AGBL1: variants seen among roughly 807,000 people sequenced by gnomAD.
AGBL1 encodes AGBL carboxypeptidase 1, also known as cytosolic carboxypeptidase 4.
AGBL1 carries 130 observed loss-of-function variants against 118.9 expected under a neutral mutation model. The observed-to-expected ratio is 1.09, with a 90% CI of 0.95 to 1.26. The LOEUF (loss-of-function observed/expected upper bound fraction) is 1.26, where lower values mean the gene tolerates loss of function less well. AGBL1 is among the 50% of genes most tolerant of loss of function. The pLI is 0.00. For synonymous variants in AGBL1, 555 were observed against 478.9 expected (o/e 1.16, Z -2.08); for missense variants, 1,584 against 1,298.1 (o/e 1.22, Z -3.38).
chr15:86,155,259 G>T (rs1006380038), intron 4 of AGBL1, among the ~76,000 whole-genome samples: 5 of 152,238 alleles, frequency 3.3e-5, no homozygotes, highest in Admixed American at 2.6e-4. Flanking sequence ...CTTGAGCCCA[G>T]GCATTTGAGA....
At chr15:86,476,321 G>C (rs1047605059) in intron 18 of AGBL1, among the ~76,000 whole-genome samples, 2 of 152,178 alleles carry the variant, frequency 1.3e-5, no homozygotes, top group Non-Finnish European at 2.9e-5. Context: ...TCAGTGTGCT[G>C]TATTCAGGAG....
At chr15:86,968,289 C>A (rs751994615) in intron 23 of AGBL1, among the ~76,000 whole-genome samples, 9 of 151,710 alleles carry the variant, frequency 5.9e-5, no homozygotes, top group Non-Finnish European at 1.2e-4. Flanking sequence ...CATATTTGAG[C>A]CTCAGATTTG....
intron 17 of AGBL1, among the ~76,000 whole-genome samples, chr15:86,388,431 A>T (rs2081229178): frequency 6.6e-6 from 1 of 152,158 alleles, no homozygotes; most frequent in Admixed American, 6.5e-5. Context: ...AAAAAGTTTG[A>T]TTTTCATCTA....
intron 22 of AGBL1, among the ~76,000 whole-genome samples, chr15:86,715,590 T>C (rs2086625477): frequency 6.7e-6 from 1 of 149,562 alleles, no homozygotes; most frequent in South Asian, 2.2e-4. Flanking sequence ...TGTATTAAGC[T>C]TATTCTCTGA....
At position 86,782,668 on chromosome 15, in the gene AGBL1, G is replaced by T. The variant is rs917578933; in HGVS notation, c.3158+108232G>T. Among the ~76,000 whole-genome samples the T allele has an allele frequency of 4.6e-5, 7 of 152,146 alleles. No homozygotes were observed. In the East Asian group the frequency reaches 1.3e-3, roughly 29 times the overall value. On this transcript the variant is annotated intron_variant, in intron 22 of 22. Coordinates refer to ENST00000614907, the MANE Select transcript of AGBL1 (RefSeq NM_001386094.1). The stretch of plus-strand genomic sequence containing the variant: ...TGATATCAGTCAACTTAAAGTTGGG[G>T]CATATCAATCAAATTCAGGATCGAT...
intron 21 of AGBL1, among the ~76,000 whole-genome samples, chr15:86,583,913 G>T (rs192968302): frequency 6.6e-6 from 1 of 152,130 alleles, no homozygotes; most frequent in African/African-American, 2.4e-5. Flanking sequence ...TTTCATTATG[G>T]TTTTGATTTG....
At chr15:86,943,907 C>T (rs1383696608) in intron 23 of AGBL1, among the ~76,000 whole-genome samples, 1 of 152,160 alleles carries the variant, frequency 6.6e-6, no homozygotes, top group Non-Finnish European at 1.5e-5. Flanking sequence ...CCAGGAGCAG[C>T]CAAATGGCCC....
intron 22 of AGBL1, among the ~76,000 whole-genome samples, chr15:86,799,492 G>A (rs937763976): frequency 6.6e-6 from 1 of 152,082 alleles, no homozygotes; most frequent in Admixed American, 6.6e-5. Context: ...AATAATTAAT[G>A]CACGGCTATA....
At chr15:86,819,315 C>T (rs2078907596) in intron 22 of AGBL1, among the ~76,000 whole-genome samples, 1 of 152,038 alleles carries the variant, frequency 6.6e-6, no homozygotes, top group African/African-American at 2.4e-5. Flanking sequence ...GAAAAAGGGA[C>T]AGTGGTTCTA....
intron 22 of AGBL1, among the ~76,000 whole-genome samples, chr15:86,776,748 ATATGTGTGTGTG>A (rs1567168701): frequency 2.8e-5 from 3 of 106,540 alleles, no homozygotes; most frequent in East Asian, 8.6e-4. Flanking sequence ...TTATATATAT[ATATGTGTGTGTG>A]TGTGTGTGTG....
intron 22 of AGBL1, among the ~76,000 whole-genome samples, chr15:86,680,170 A>G (rs1234768497): frequency 6.6e-6 from 1 of 152,172 alleles, no homozygotes; most frequent in Non-Finnish European, 1.5e-5. Context: ...TTGTCTTATA[A>G]TCATATTCAG....
At chr15:86,561,248 A>G (rs2083815208) in intron 21 of AGBL1, among the ~76,000 whole-genome samples, 1 of 152,156 alleles carries the variant, frequency 6.6e-6, no homozygotes, top group Non-Finnish European at 1.5e-5. Flanking sequence ...TAGGTCCTGA[A>G]TGGTATCACC....
At chr15:86,956,257 ATAGAT>A (rs980933750) in intron 23 of AGBL1, among the ~76,000 whole-genome samples, 24 of 150,190 alleles carry the variant, frequency 1.6e-4, no homozygotes, top group African/African-American at 5.7e-4. Context: ...AGATAGATAG[ATAGAT>A]TAGATAGATG....
chr15:86,586,772 T>C (rs1297768880), intron 21 of AGBL1, among the ~76,000 whole-genome samples: 1 of 151,928 alleles, frequency 6.6e-6, no homozygotes, highest in East Asian at 1.9e-4. Flanking sequence ...CATAGGAAGG[T>C]TTAGGAGTTA....
chr15:86,314,020 C>T lies in AGBL1; in HGVS notation c.2374+18612C>T, dbSNP rs972327551. The stretch of plus-strand genomic sequence containing the variant: ...AGATGGGTGATATCAGAATCATAAA[C>T]GCCTAGATCCTTACTGCCACAGGAT... On this transcript the variant is annotated intron_variant, in intron 17 of 22. Coordinates refer to ENST00000614907, the MANE Select transcript of AGBL1 (RefSeq NM_001386094.1). Among the ~76,000 whole-genome samples the T allele has an allele frequency of 1.1e-4, 16 of 152,180 alleles. No homozygotes were observed. The East Asian group carries it at 1.2e-3, about 11-fold the overall frequency.
chr15:87,002,530 T>G (rs1391417231), intron 24 of AGBL1, among the ~76,000 whole-genome samples: 1 of 152,110 alleles, frequency 6.6e-6, no homozygotes, highest in Non-Finnish European at 1.5e-5. Flanking sequence ...CTTTGGTAGC[T>G]TGATGGGGAT....
At position 86,910,633 on chromosome 15, in the gene AGBL1, A is replaced by G. The variant is rs974416564; in HGVS notation, c.*3339A>G. ...CGTTTGCATTCAGGTCAAAGATAAT[A>G]AGTGCAGTTTGGGGACATGTTAAAT... On this transcript the variant is annotated 3_prime_UTR_variant, in exon 23 of 23. Transcript: ENST00000614907. 6.6e-6 allele frequency: 1 copy of G among 152,172 alleles called. No homozygotes were observed. The highest frequency in any genetic ancestry group is 1.5e-5 in the Non-Finnish European group (1 of 68,046). The allele number at this position is 152,172 out of a possible 1,614,324, so 9.4% of individuals were successfully genotyped here.
At chr15:86,733,350 A>G (rs1159297357) in intron 22 of AGBL1, among the ~76,000 whole-genome samples, 4 of 152,140 alleles carry the variant, frequency 2.6e-5, no homozygotes, top group African/African-American at 9.7e-5. Context: ...AACAGATTGT[A>G]TGATGGCCAA....
chr15:86,467,513 G>C (rs185892738), intron 18 of AGBL1, among the ~76,000 whole-genome samples: 80 of 152,304 alleles, frequency 5.3e-4, no homozygotes, highest in Admixed American at 4.9e-3. Context: ...AGGCCCCACT[G>C]GGGTATGAAT....
Sources: gnomAD v4.1 joint callset for allele counts (sites outside exome capture counted in the v4.1 genomes callset) on GRCh38, gnomAD v4.1.1 for gene constraint, MANE v1.5 for transcripts, NCBI Gene and HGNC (gene_info 2026-07-23, HGNC 2026-07-21) for gene names.